The following DNAH17 variants were observed in gnomAD, a reference collection of about 807,000 sequenced individuals.
The protein encoded by DNAH17 is dynein axonemal heavy chain 17.
Under a neutral mutation model 485.6 loss-of-function variants are expected in DNAH17, and 376 were observed. That is an observed-to-expected ratio of 0.77 (90% CI 0.71 to 0.84). The LOEUF (loss-of-function observed/expected upper bound fraction) is 0.84, where lower values mean the gene tolerates loss of function less well. DNAH17 is among the 40% of genes least tolerant of loss of function. The pLI, the probability that DNAH17 is intolerant of heterozygous loss-of-function variation, is 0.00. For synonymous variants in DNAH17, 3,031 were observed against 2,405.9 expected (o/e 1.26, Z -7.60); for missense variants, 6,370 against 5,839.3 (o/e 1.09, Z -2.96).
intron 48 of DNAH17, among the ~76,000 whole-genome samples, chr17:78,483,440 G>A (rs1381325207): frequency 1.3e-5 from 2 of 152,128 alleles, no homozygotes; most frequent in South Asian, 2.1e-4. Context: ...GACCTGCCTG[G>A]CCAATATAGT....
At chr17:78,560,990 T>C in intron 12 of DNAH17, 55 bp from the exon 13 acceptor site, 1 of 1,492,370 alleles carries the variant, frequency 6.7e-7, no homozygotes, top group African/African-American at 1.4e-5. Context: ...TGGGGTGTCT[T>C]CGGCACGTCC....
intron 25 of DNAH17, among the ~76,000 whole-genome samples, chr17:78,515,716 C>T (rs992859035): frequency 2.0e-5 from 3 of 152,228 alleles, no homozygotes; most frequent in Admixed American, 1.3e-4. Flanking sequence ...CACAAAGGGG[C>T]ATCGCCGAAA....
intron 71 of DNAH17, among the ~76,000 whole-genome samples, chr17:78,442,193 G>A (rs776188035): frequency 1.3e-5 from 2 of 152,194 alleles, no homozygotes; most frequent in Non-Finnish European, 2.9e-5. Context: ...GTGAACGCCC[G>A]AGTGCTCTGA....
In DNAH17 at chr17:78,453,470, G is replaced by C. The variant is rs753717974; in HGVS notation, c.10407-5C>G. 8 of 1,613,724 alleles carry C rather than the reference G, an allele frequency of 5.0e-6. 1 individual carries two copies. The South Asian group carries it at 7.7e-5, about 16-fold the overall frequency. ...TGCTCGATGACATCCAGGTAGCTGC[G>C]GGCACAACACGGAAGCTGGTTCATG... On this transcript the variant is annotated splice_polypyrimidine_tract_variant and splice_region_variant and intron_variant, in intron 64 of 80. Coordinates refer to ENST00000389840, the MANE Select transcript of DNAH17 (RefSeq NM_173628.4).
chr17:78,500,679 T>G, intron 35 of DNAH17: 1 of 374,430 alleles, frequency 2.7e-6, no homozygotes, highest in Non-Finnish European at 4.7e-6. Flanking sequence ...CGGCTAATTT[T>G]TGTATTTTCA....
chr17:78,563,979 A>T (rs1367292521), intron 11 of DNAH17, among the ~76,000 whole-genome samples: 1 of 152,012 alleles, frequency 6.6e-6, no homozygotes, highest in African/African-American at 2.4e-5. Flanking sequence ...TTAAAAAGAG[A>T]TCTTTCTTTT....
At chr17:78,486,691 G>T (rs1403580020) in intron 44 of DNAH17, among the ~76,000 whole-genome samples, 185 bp from the exon 45 acceptor site, 8 of 152,232 alleles carry the variant, frequency 5.3e-5, no homozygotes, top group Non-Finnish European at 1.0e-4. Context: ...CCCTGAAAGG[G>T]TCGGAGGAGG....
chr17:78,524,240 C>A (rs905041346), intron 25 of DNAH17, among the ~76,000 whole-genome samples: 8 of 152,178 alleles, frequency 5.3e-5, no homozygotes, highest in South Asian at 2.1e-4. Flanking sequence ...CAGGTTCAAG[C>A]AATTCTTCTA....
At chr17:78,460,380 G>A (rs1222122831) in intron 58 of DNAH17, 123 bp from the exon 59 acceptor site, 2 of 438,206 alleles carry the variant, frequency 4.6e-6, no homozygotes, top group Non-Finnish European at 7.8e-6. Context: ...ATGAGTGTAT[G>A]TGTGCATATA....
At chr17:78,483,737 G>A (rs575617819) in intron 48 of DNAH17, among the ~76,000 whole-genome samples, 2 of 152,154 alleles carry the variant, frequency 1.3e-5, no homozygotes, top group Non-Finnish European at 2.9e-5. Context: ...TCGGCATGAG[G>A]CCAGGCTTCA....
In DNAH17 at chr17:78,458,548, C is replaced by T. The variant is rs200617762; in HGVS notation, c.9977+17G>A. ...GGGTCTGAGAGCAGGAGGGTGGTCT[C>T]GGGGAGGAGCTGATACCTGTTCGCC... On this transcript the variant is annotated intron_variant, in intron 62 of 80. Coordinates refer to ENST00000389840, the MANE Select transcript of DNAH17 (RefSeq NM_173628.4). 1.7e-3 allele frequency: 2,808 copies of T among 1,605,992 alleles called. 2 individuals carry two copies. The highest frequency in any genetic ancestry group is 2.2e-3 in the Non-Finnish European group (2,630 of 1,172,876).
At chr17:78,452,713 G>A (rs1414486138) in intron 65 of DNAH17, among the ~76,000 whole-genome samples, 1 of 152,220 alleles carries the variant, frequency 6.6e-6, no homozygotes, top group African/African-American at 2.4e-5. Context: ...ACTCCAGCCT[G>A]GACGACAGAG....
chr17:78,563,489 C>T (rs1334999138), intron 11 of DNAH17, among the ~76,000 whole-genome samples: 1 of 142,732 alleles, frequency 7.0e-6, no homozygotes, highest in Non-Finnish European at 1.6e-5. Context: ...AGAAAAAAAC[C>T]CCAAAAACCT....
intron 79 of DNAH17, 94 bp downstream of exon 79, chr17:78,426,363 C>CT: frequency 7.2e-7 from 1 of 1,397,424 alleles, no homozygotes; most frequent in Non-Finnish European, 9.4e-7. Context: ...GCCTCCTGGC[C>CT]ATGCTCCTGC....
chr17:78,484,081 G>A (rs1029437430), intron 48 of DNAH17, among the ~76,000 whole-genome samples: 9 of 107,646 alleles, frequency 8.4e-5, no homozygotes, highest in Admixed American at 1.3e-4. Context: ...GAGAGACAGA[G>A]CGAGATTTCT....
intron 56 of DNAH17, among the ~76,000 whole-genome samples, chr17:78,464,785 C>T (rs1164938049): frequency 6.6e-6 from 1 of 152,220 alleles, no homozygotes. Flanking sequence ...CTTGGCTGCG[C>T]CGGGGCTGAT....
intron 74 of DNAH17, among the ~76,000 whole-genome samples, chr17:78,435,911 T>C (rs1475327642): frequency 1.3e-5 from 2 of 152,226 alleles, no homozygotes; most frequent in Non-Finnish European, 2.9e-5. Flanking sequence ...GATTGATTGG[T>C]TAATAGAACG....
chr17:78,542,395 AC>A (rs2091620308), intron 17 of DNAH17, among the ~76,000 whole-genome samples: 1 of 151,904 alleles, frequency 6.6e-6, no homozygotes, highest in Non-Finnish European at 1.5e-5. Flanking sequence ...TGATCCACCC[AC>A]CTCGGCCTCC....
chr17:78,484,739 A>ACCCCCCCGCCCCCCCCCCCCCCCCCC, intron 48 of DNAH17, 129 bp downstream of exon 48: 5 of 347,798 alleles, frequency 1.4e-5, no homozygotes, highest in East Asian at 1.2e-4. Flanking sequence ...ACGTTGCAGC[A>ACCCCCCCGCCCCCCCCCCCCCCCCCC]CCCCCCCCAC....
Sources: allele counts gnomAD v4.1 joint callset (sites outside exome capture counted in the v4.1 genomes callset), GRCh38; gene constraint gnomAD v4.1.1; transcripts MANE v1.5; gene names NCBI Gene and HGNC (gene_info 2026-07-23, HGNC 2026-07-21).